GALNT18: variants seen among roughly 807,000 people sequenced by gnomAD.
GALNT18 encodes GalNAc-transferase 18.
Under a neutral mutation model 69.5 loss-of-function variants are expected in GALNT18, and 44 were observed. That is an observed-to-expected ratio of 0.63 (90% CI 0.50 to 0.81). The LOEUF is 0.81. Ranked by LOEUF, GALNT18 falls within the 40% of genes least tolerant of loss-of-function variation. GALNT18 has a pLI of 0.00. For missense variants in GALNT18, 715 were observed against 810.0 expected, an observed-to-expected ratio of 0.88 and a Z score of 1.42; for synonymous variants, 364 against 318.2, an observed-to-expected ratio of 1.14 and a Z score of -1.53.
rs1023409512 is a variant in GALNT18 at position 11,338,054 on chromosome 11, G to T, written c.1278+2765C>A. ...ACGATCTCAGCTCACTGGGACCTCCGCCTCCCAGGTTAAAATGATTCTCTT... is the reference window on the plus strand; with the variant it reads ...ACGATCTCAGCTCACTGGGACCTCCTCCTCCCAGGTTAAAATGATTCTCTT... On this transcript the variant is annotated intron_variant, in intron 7 of 10. Coordinates refer to ENST00000227756, the MANE Select transcript of GALNT18 (RefSeq NM_198516.3). The surrounding 1 kb of genome is among the most constrained non-coding windows in gnomAD (Gnocchi z 5.3). 6.9e-6 allele frequency among the ~76,000 whole-genome samples: 1 copy of T among 144,220 alleles called. No homozygotes were observed. Among genetic ancestry groups the T allele is most frequent in the Non-Finnish European group, 1.5e-5 (1 of 67,164 alleles). 94.6% of individuals were successfully genotyped at this position (144,220 alleles called of 152,430 possible). A position where few individuals can be genotyped will look rare whatever the true frequency, so the allele number is the denominator to read the frequency against.
rs1203715914 is a variant in GALNT18, at chr11:11,387,210, C to G, written c.596-7946G>C. 6.6e-6 allele frequency among the ~76,000 whole-genome samples: 1 copy of G among 152,212 alleles called. No homozygotes were observed. Among genetic ancestry groups the G allele is most frequent in the Non-Finnish European group, 1.5e-5 (1 of 68,044 alleles). Reference sequence around the variant, plus strand: ...GGCCCCATCTTGCTGCCCTCAGTTGCCGGTCCTTCCCTTTCCAGCTGCTTT... The same window carrying G: ...GGCCCCATCTTGCTGCCCTCAGTTGGCGGTCCTTCCCTTTCCAGCTGCTTT... On this transcript the variant is annotated intron_variant, in intron 3 of 10. Transcript: ENST00000227756. The surrounding 1 kb of genome is among the most constrained non-coding windows in gnomAD (Gnocchi z 4.6).
intron 1 of GALNT18, among the ~76,000 whole-genome samples, chr11:11,455,645 G>T (rs1380048169): frequency 1.3e-5 from 2 of 151,910 alleles, no homozygotes; most frequent in Non-Finnish European, 2.9e-5. Context: ...TCAGCAGGCT[G>T]GGGGTAGCCC....
chr11:11,573,780 C>T lies in GALNT18; in HGVS notation c.235+47579G>A, dbSNP rs1271178560. 1 of 152,292 alleles carries T rather than the reference C, an allele frequency of 6.6e-6. No homozygotes were observed. Among genetic ancestry groups the T allele is most frequent in the Non-Finnish European group, 1.5e-5 (1 of 68,118 alleles). The allele number at this position is 152,292 out of a possible 1,614,324, so 9.4% of individuals were successfully genotyped here. A position where few individuals can be genotyped will look rare whatever the true frequency, so the allele number is the denominator to read the frequency against. Reference sequence around the variant, plus strand: ...TCAATAAACCCACTTGGAAGATGCCCATGCATGAGCGTCGACGGTGACTTC... The same window carrying T: ...TCAATAAACCCACTTGGAAGATGCCTATGCATGAGCGTCGACGGTGACTTC... On this transcript the variant is annotated intron_variant, in intron 1 of 10. Coordinates refer to ENST00000227756, the MANE Select transcript of GALNT18 (RefSeq NM_198516.3). The surrounding 1 kb of genome is among the most constrained non-coding windows in gnomAD (Gnocchi z 4.6).
chr11:11,489,590 G>A (rs1427070874), intron 1 of GALNT18, among the ~76,000 whole-genome samples: 1 of 152,148 alleles, frequency 6.6e-6, no homozygotes, highest in East Asian at 1.9e-4. Flanking sequence ...TGGGAGTTGG[G>A]CCTGGTTTTA....
intron 1 of GALNT18, among the ~76,000 whole-genome samples, chr11:11,552,323 C>A (rs1858216623): frequency 6.6e-6 from 1 of 152,202 alleles, no homozygotes; most frequent in Admixed American, 6.5e-5. Context: ...TCCAGCTGTC[C>A]CCCTACCCCA....
Position 11,377,238 on chromosome 11 carries a change from G to A in GALNT18, c.921C>T (p.Arg307=), listed in dbSNP as rs1853787475. ...ACCAGGCCTTGGGGGGATTTAGGTA[G>A]CGGCACCACAGCTCCCAGTCAAAGC... The part of the protein sequence containing the change: ...AQGFDWELWC[R]YLNPPKAWWK... Residue 307 remains arginine (R), a synonymous_variant, in exon 5 of 11, where the codon CGC becomes CGT. Coordinates refer to ENST00000227756, the MANE Select transcript of GALNT18 (RefSeq NM_198516.3). The surrounding 1 kb of genome is among the most constrained non-coding windows in gnomAD (Gnocchi z 4.6). The A allele has an allele frequency of 5.0e-6, 8 of 1,613,828 alleles. No homozygotes were observed. The highest frequency in any genetic ancestry group is 6.8e-6 in the Non-Finnish European group (8 of 1,180,020).
Position 11,401,772 on chromosome 11 carries a change from T to C in GALNT18, c.596-22508A>G, listed in dbSNP as rs114114370. Reference sequence around the variant, plus strand: ...ATTGCCTGTGTGCCAGGCTCTGTTCTAAACATTAAAGAGACACAGTCCCTT... The same window carrying C: ...ATTGCCTGTGTGCCAGGCTCTGTTCCAAACATTAAAGAGACACAGTCCCTT... On this transcript the variant is annotated intron_variant, in intron 3 of 10. Transcript: ENST00000227756. Among the ~76,000 whole-genome samples, 1,017 of 152,348 alleles carry C rather than the reference T, an allele frequency of 6.7e-3. 11 individuals are homozygous for C. Among genetic ancestry groups the C allele is most frequent in the African/African-American group, 0.023 (973 of 41,572 alleles).
Position 11,620,367 on chromosome 11 carries a change from C to T in GALNT18, c.235+992G>A, listed in dbSNP as rs1332556462. ...TGTGTGTGCACACCCGGCACCAGTG[C>T]TCCTGGCGCCCGGAACTCCATTCCC... is the stretch of plus-strand genomic sequence containing the variant. On this transcript the variant is annotated intron_variant, in intron 1 of 10. Transcript: ENST00000227756. The surrounding 1 kb of genome is among the most constrained non-coding windows in gnomAD (Gnocchi z 6.9). Among the ~76,000 whole-genome samples, 2 of 151,708 alleles carry T rather than the reference C, an allele frequency of 1.3e-5. No individual in the cohort carries two copies. Among genetic ancestry groups the T allele is most frequent in the Non-Finnish European group, 2.9e-5 (2 of 67,992 alleles).
chr11:11,531,862 T>C (rs1857655926), intron 1 of GALNT18, among the ~76,000 whole-genome samples: 1 of 152,236 alleles, frequency 6.6e-6, no homozygotes, highest in African/African-American at 2.4e-5. Flanking sequence ...GGGTATATTC[T>C]GCTTCGGGCC....
intron 9 of GALNT18, among the ~76,000 whole-genome samples, chr11:11,299,549 C>T (rs1472747929): frequency 6.6e-6 from 1 of 152,218 alleles, no homozygotes; most frequent in Non-Finnish European, 1.5e-5. Context: ...GCATAGCTTG[C>T]ACTTTAACTG....
chr11:11,417,986 G>A (rs1352697762), intron 3 of GALNT18, among the ~76,000 whole-genome samples: 2 of 152,230 alleles, frequency 1.3e-5, no homozygotes, highest in East Asian at 3.8e-4. Context: ...ATTCACTTAG[G>A]TTAATATACC....
chr11:11,361,397 A>G (rs997949234), intron 6 of GALNT18, among the ~76,000 whole-genome samples: 1 of 152,222 alleles, frequency 6.6e-6, no homozygotes, highest in African/African-American at 2.4e-5. Flanking sequence ...AGTAGTACCT[A>G]CATTTCAAGG....
chr11:11,296,145 T>C (rs1286271665), intron 9 of GALNT18, among the ~76,000 whole-genome samples: 3 of 152,086 alleles, frequency 2.0e-5, no homozygotes, highest in African/African-American at 4.8e-5. Flanking sequence ...ACTACAGAAA[T>C]GAGAAAAGCC....
chr11:11,532,536 C>T (rs189361696), intron 1 of GALNT18, among the ~76,000 whole-genome samples: 50 of 152,270 alleles, frequency 3.3e-4, no homozygotes, highest in Admixed American at 2.6e-4. Context: ...CTCATAAAAC[C>T]GAACTGAAGC....
In GALNT18 at chr11:11,555,447, C is replaced by T. The variant is rs1442160709; in HGVS notation, c.235+65912G>A. Among the ~76,000 whole-genome samples the T allele has an allele frequency of 4.6e-5, 7 of 152,184 alleles. No individual in the cohort carries two copies. Among genetic ancestry groups the T allele is most frequent in the African/African-American group, 1.2e-4 (5 of 41,454 alleles). ...CCAGGAGTGGCCACGTGCCAGCAGG[C>T]GTGCAGCTTAAAACACAGGTCTGGC... On this transcript the variant is annotated intron_variant, in intron 1 of 10. Transcript: ENST00000227756. The surrounding 1 kb of genome is among the most constrained non-coding windows in gnomAD (Gnocchi z 4.7).
At chr11:11,273,086 G>A (rs1848861088) in intron 10 of GALNT18, among the ~76,000 whole-genome samples, 2 of 152,180 alleles carry the variant, frequency 1.3e-5, no homozygotes, top group South Asian at 4.1e-4. Context: ...ACTCCTAGAA[G>A]AAAACATTGG....
At position 11,340,539 on chromosome 11, in the gene GALNT18, C is replaced by G. The variant is rs1330115412; in HGVS notation, c.1278+280G>C. Among the ~76,000 whole-genome samples the G allele has an allele frequency of 6.6e-6, 1 of 152,190 alleles. No homozygotes were observed. Among genetic ancestry groups the G allele is most frequent in the East Asian group, 1.9e-4 (1 of 5,196 alleles). ...CCTGGGAGCATGAAGGAAACTTGAG[C>G]TACCTGTCCAACTTTCTCATTTAAA... On this transcript the variant is annotated intron_variant, in intron 7 of 10. Transcript: ENST00000227756. This position sits in a 1 kb window ranked among gnomAD's most constrained non-coding sequence, Gnocchi z 4.2.
At chr11:11,608,445 C>T (rs1305352458) in intron 1 of GALNT18, among the ~76,000 whole-genome samples, 2 of 151,990 alleles carry the variant, frequency 1.3e-5, no homozygotes, top group African/African-American at 2.4e-5. Context: ...CTGCAACCTC[C>T]GCCTCCCAGG....
At chr11:11,393,410 G>A (rs181609934) in intron 3 of GALNT18, among the ~76,000 whole-genome samples, 3 of 152,320 alleles carry the variant, frequency 2.0e-5, no homozygotes, top group African/African-American at 4.8e-5. Context: ...GAAACCTTGT[G>A]TATTTTTCTG....
Sources: gnomAD v4.1 joint callset for allele counts (sites outside exome capture counted in the v4.1 genomes callset) on GRCh38, gnomAD v4.1.1 for gene constraint, Gnocchi (gnomAD v3.1) non-coding constraint, MANE v1.5 for transcripts, NCBI Gene and HGNC (gene_info 2026-07-23, HGNC 2026-07-21) for gene names.